Variants in HESX1 observed in about 807,000 individuals in gnomAD.
The protein encoded by HESX1 is HESX homeobox 1.
A neutral mutation model predicts 22.5 loss-of-function variants in HESX1; 11 were observed. The observed-to-expected ratio is 0.49, with a 90% CI of 0.31 to 0.81. The LOEUF is 0.81. HESX1 is among the 30% of genes least tolerant of loss of function. The pLI is 0.05. For missense variants in HESX1, 201 were observed against 212.6 expected (o/e 0.95, Z 0.34); for synonymous variants, 74 against 76.5 (o/e 0.97, Z 0.17).
At chr3:57,214,579 G>A (rs1307146935) in intron 1 of HESX1, among the ~76,000 whole-genome samples, 1 of 152,136 alleles carries the variant, frequency 6.6e-6, no homozygotes, top group Non-Finnish European at 1.5e-5. Flanking sequence ...TTATTATAGT[G>A]CCTAATTAAG....
upstream of HESX1, chr3:57,199,996 G>T: frequency 7.9e-7 from 1 of 1,261,538 alleles, no homozygotes; most frequent in Non-Finnish European, 1.2e-6. Flanking sequence ...GGATCTTCCT[G>T]CAGTTCACCT....
At chr3:57,202,012 G>A (rs1390920749), upstream of HESX1, among the ~76,000 whole-genome samples, 2 of 151,440 alleles carry the variant, frequency 1.3e-5, no homozygotes, top group African/African-American at 2.4e-5. Flanking sequence ...TCCGCCTCCC[G>A]GGTTCACGCC....
intron 1 of HESX1, among the ~76,000 whole-genome samples, chr3:57,210,705 G>A (rs113098076): frequency 1.3e-5 from 2 of 152,296 alleles, no homozygotes; most frequent in African/African-American, 4.8e-5. Flanking sequence ...AGCAAGATGT[G>A]ACATTTGAAA....
chr3:57,211,816 G>C (rs935723757), intron 1 of HESX1, among the ~76,000 whole-genome samples: 2 of 151,520 alleles, frequency 1.3e-5, no homozygotes, highest in Non-Finnish European at 2.9e-5. Context: ...TTGGACGACA[G>C]AGTGAGACGC....
intron 1 of HESX1, among the ~76,000 whole-genome samples, chr3:57,220,812 G>A (rs1359239378): frequency 6.6e-6 from 1 of 152,174 alleles, no homozygotes; most frequent in Non-Finnish European, 1.5e-5. Context: ...TATTAAAGGT[G>A]TTTTTGTCCA....
At chr3:57,222,576 C>T (rs2060621445) in intron 1 of HESX1, among the ~76,000 whole-genome samples, 1 of 152,126 alleles carries the variant, frequency 6.6e-6, no homozygotes, top group African/African-American at 2.4e-5. Context: ...AATTTTTTCC[C>T]CAATGATTTG....
intron 1 of HESX1, among the ~76,000 whole-genome samples, chr3:57,224,111 G>C (rs2060629664): frequency 6.6e-6 from 1 of 152,042 alleles, no homozygotes; most frequent in South Asian, 2.1e-4. Context: ...TCCTGCCTCA[G>C]CCTCCCGAGT....
chr3:57,218,311 G>A (rs912362943), intron 1 of HESX1, among the ~76,000 whole-genome samples: 2 of 151,728 alleles, frequency 1.3e-5, no homozygotes, highest in South Asian at 4.1e-4. Flanking sequence ...TTGTGTCTAT[G>A]TATTCTCATC....
At chr3:57,213,014 T>A (rs2060564550) in intron 1 of HESX1, among the ~76,000 whole-genome samples, 1 of 152,006 alleles carries the variant, frequency 6.6e-6, no homozygotes. Context: ...GGGTCAAACG[T>A]GTACTGTTCT....
chr3:57,199,819 CT>C lies in HESX1; in HGVS notation c.99del (p.Asp34ThrfsTer5). On this transcript the variant is annotated frameshift_variant, in exon 1 of 4. Coordinates refer to ENST00000295934, the MANE Select transcript of HESX1 (RefSeq NM_003865.3). LOFTEE classifies it high-confidence loss of function. ...TGGGGTTTCATTAATGGAACACAGT[CT>C]TTCTTCTGGTCCAGTCCTAAGATTC... ...IERILGLDQK[K>X]DCVPLMKPHR... 4.3e-6 allele frequency: 7 copies of C among 1,614,080 alleles called. No individual in the cohort carries two copies. The highest frequency in any genetic ancestry group is 5.9e-6 in the Non-Finnish European group (7 of 1,179,994).
At chr3:57,220,573 G>A (rs1358424263) in intron 1 of HESX1, among the ~76,000 whole-genome samples, 1 of 152,078 alleles carries the variant, frequency 6.6e-6, no homozygotes, top group Non-Finnish European at 1.5e-5. Context: ...GGGATTACAG[G>A]CGTGCACCAC....
rs1356804304 is a variant in HESX1, at chr3:57,198,792, A to G, written c.318T>C (p.Tyr106=). 3 of 1,614,042 alleles carry G rather than the reference A, an allele frequency of 1.9e-6. No individual in the cohort carries two copies. The highest frequency in any genetic ancestry group is 4.5e-5 in the East Asian group (2 of 44,882). ...RLSLKRELSW[Y]RGRRPRTAFT... is the part of the protein sequence containing the mutation. ...AAGCAGTTCTTGGTCTTCGGCCTCT[A>G]TACCAACTCAACTCTCTTTTCAAAG... Residue 106 remains tyrosine (Y), a synonymous_variant, in exon 2 of 4, where the codon TAT becomes TAC. Coordinates refer to ENST00000295934, the MANE Select transcript of HESX1 (RefSeq NM_003865.3).
At chr3:57,226,129 C>CTT (rs1223881872) in intron 1 of HESX1, among the ~76,000 whole-genome samples, 2 of 151,870 alleles carry the variant, frequency 1.3e-5, no homozygotes, top group East Asian at 3.9e-4. Context: ...CCAGCTGCCA[C>CTT]GGCCTCCCAA....
upstream of HESX1, among the ~76,000 whole-genome samples, chr3:57,200,235 A>C (rs1220772203): frequency 1.3e-5 from 2 of 152,256 alleles, no homozygotes; most frequent in African/African-American, 4.8e-5. Context: ...TCTCTAAAGA[A>C]GTGATGCACA....
rs2060460284 is a variant in HESX1, at chr3:57,198,267, A to G, written c.488T>C (p.Leu163Pro). Residue 163 changes from leucine (L) to proline (P), a missense_variant, in exon 4 of 4, where the codon CTG becomes CCG. Physicochemically the swap from Leu to Pro is moderately conservative, Grantham distance 98 (BLOSUM62 -3). Coordinates refer to ENST00000295934, the MANE Select transcript of HESX1 (RefSeq NM_003865.3). ...QIWFQNRRAK[L>P]KRSHRESQFL... ...CTGTGATTCTCTATGGGACCTTTTC[A>G]GTTTTGCACGCCGATTTTGAAACCA... is the stretch of plus-strand genomic sequence containing the variant. 2 of 1,613,220 alleles carry G rather than the reference A, an allele frequency of 1.2e-6. No individual in the cohort carries two copies. Among genetic ancestry groups the G allele is most frequent in the Non-Finnish European group, 1.7e-6 (2 of 1,179,582 alleles).
At chr3:57,199,063 T>C in intron 1 of HESX1, 111 bp from the exon 2 acceptor site, 1 of 1,038,092 alleles carries the variant, frequency 9.6e-7, no homozygotes, top group East Asian at 2.4e-5. Flanking sequence ...AATTCTGGGG[T>C]TCACAAGAGA....
intron 1 of HESX1, among the ~76,000 whole-genome samples, chr3:57,209,329 A>C (rs540011086): frequency 6.6e-6 from 1 of 152,208 alleles, no homozygotes; most frequent in Non-Finnish European, 1.5e-5. Flanking sequence ...GTGCTGGTCT[A>C]GAAGTATAGA....
At chr3:57,211,527 C>CAAAAAAAAAAAAAAA (rs61137408) in intron 1 of HESX1, among the ~76,000 whole-genome samples, 13 of 31,984 alleles carry the variant, frequency 4.1e-4, no homozygotes, top group African/African-American at 1.5e-3. Context: ...GAGACCTTGT[C>CAAAAAAAAAAAAAAA]AAAAAAAAAA....
intron 1 of HESX1, among the ~76,000 whole-genome samples, chr3:57,212,550 TCTG>T (rs1207259938): frequency 1.1e-5 from 1 of 89,186 alleles, no homozygotes; most frequent in Non-Finnish European, 2.0e-5. Flanking sequence ...AGAGCAAGAC[TCTG>T]TCTCAAAAAA....
Sources: gnomAD v4.1 joint callset for allele counts (sites outside exome capture counted in the v4.1 genomes callset) on GRCh38, gnomAD v4.1.1 for gene constraint, MANE v1.5 for transcripts, NCBI Gene and HGNC (gene_info 2026-07-23, HGNC 2026-07-21) for gene names.